Variants in EPHA5 observed in about 807,000 individuals in gnomAD.
The protein encoded by EPHA5 is EPH receptor A5, also known as ephrin type-A receptor 5.
In EPHA5, 60 loss-of-function variants were observed where a neutral mutation model predicts 105.0. That is an observed-to-expected ratio of 0.57 (90% CI 0.46 to 0.71). EPHA5 has a LOEUF of 0.71. Ranked by LOEUF, EPHA5 falls within the 30% of genes least tolerant of loss-of-function variation. EPHA5 has a pLI of 0.00. For synonymous variants in EPHA5, 513 were observed against 449.1 expected, an observed-to-expected ratio of 1.14 and a Z score of -1.80; for missense variants, 1,218 against 1,274.7, an observed-to-expected ratio of 0.96 and a Z score of 0.68.
chr4:65,547,829 A>G (rs2149333955), intron 3 of EPHA5, among the ~76,000 whole-genome samples: 1 of 152,178 alleles, frequency 6.6e-6, no homozygotes, highest in East Asian at 1.9e-4. Flanking sequence ...TGCATTAGAA[A>G]GTGACCCTGA....
In EPHA5 at chr4:65,443,928, T is replaced by TGTGTGC. The variant is rs759410068; in HGVS notation, c.1403-23364_1403-23363insGCACAC. On this transcript the variant is annotated intron_variant, in intron 5 of 16. Transcript: ENST00000613740. ...GCCTGTGTGTGTGTGTGTGTGTGTG[T>TGTGTGC]GCGTGCACGTGTGCACGCGCACATG... Among the ~76,000 whole-genome samples, 677 of 151,660 alleles carry TGTGTGC rather than the reference T, an allele frequency of 4.5e-3. 5 individuals carry two copies. The highest frequency in any genetic ancestry group is 0.024 in the Middle Eastern group (7 of 294).
In EPHA5 at chr4:65,349,757, C is replaced by T. The variant is rs74891885; in HGVS notation, c.2446-1554G>A. ...GACTTACCTGAAACTTATTCTCATTCGTTAAATATTCATAGGCAAGATTGT... is the reference window on the plus strand; with the variant it reads ...GACTTACCTGAAACTTATTCTCATTTGTTAAATATTCATAGGCAAGATTGT... On this transcript the variant is annotated intron_variant, in intron 13 of 16. Transcript: ENST00000613740. Among the ~76,000 whole-genome samples the T allele has an allele frequency of 6.9e-3, 1,053 of 152,128 alleles. 85 individuals are homozygous for T. The East Asian group carries it at 0.18, about 26-fold the overall frequency.
chr4:65,441,331 CAT>C (rs147943776), intron 5 of EPHA5, among the ~76,000 whole-genome samples: 3 of 151,966 alleles, frequency 2.0e-5, no homozygotes, highest in East Asian at 3.9e-4. Context: ...AATCTAAAAA[CAT>C]ATACTACTGA....
chr4:65,659,871 G>A (rs1018011388), intron 1 of EPHA5, among the ~76,000 whole-genome samples: 1 of 151,938 alleles, frequency 6.6e-6, no homozygotes, highest in Non-Finnish European at 1.5e-5. Context: ...TATATTTCCA[G>A]GTAATATTTT....
intron 5 of EPHA5, among the ~76,000 whole-genome samples, chr4:65,476,115 A>AGT (rs1371610921): frequency 5.9e-5 from 7 of 118,010 alleles, no homozygotes; most frequent in African/African-American, 2.0e-4. Context: ...AGAGAGAGAG[A>AGT]GAGAGAGAGA....
rs769699010 is a variant in EPHA5, at chr4:65,416,610, TA to T, written c.1528-2168del. 5.3e-5 allele frequency among the ~76,000 whole-genome samples: 8 copies of T among 152,150 alleles called. No individual in the cohort carries two copies. In the East Asian group the frequency reaches 1.2e-3, roughly 22 times the overall value. ...ATACTTTTTTGCCAAAAAGGAAACA[TA>T]TACAAGGAAACTGGGCTGCTGCTCC... On this transcript the variant is annotated intron_variant, in intron 6 of 16. Transcript: ENST00000613740.
intron 8 of EPHA5, among the ~76,000 whole-genome samples, chr4:65,378,385 C>T (rs1323702689): frequency 1.3e-5 from 2 of 151,930 alleles, no homozygotes; most frequent in Non-Finnish European, 2.9e-5. Context: ...GTAGTTAATA[C>T]ATCTGTAAAG....
chr4:65,344,015 AG>A (rs1297706280), intron 14 of EPHA5, among the ~76,000 whole-genome samples: 2 of 152,194 alleles, frequency 1.3e-5, no homozygotes, highest in African/African-American at 4.8e-5. Context: ...AAAATCACAA[AG>A]AAAGTACTAT....
At chr4:65,598,394 T>C (rs1042519808) in intron 3 of EPHA5, among the ~76,000 whole-genome samples, 9 of 152,174 alleles carry the variant, frequency 5.9e-5, no homozygotes, top group African/African-American at 2.2e-4. Context: ...ATATTTAACA[T>C]AGAATAACAT....
chr4:65,452,187 A>G (rs1727131445), intron 5 of EPHA5, among the ~76,000 whole-genome samples: 1 of 152,188 alleles, frequency 6.6e-6, no homozygotes, highest in African/African-American at 2.4e-5. Flanking sequence ...TCATGCCTGT[A>G]CATTTTATTG....
At chr4:65,522,590 C>T (rs1039246568) in intron 3 of EPHA5, among the ~76,000 whole-genome samples, 2 of 151,830 alleles carry the variant, frequency 1.3e-5, no homozygotes, top group African/African-American at 2.4e-5. Flanking sequence ...TAGTGTCACC[C>T]AGCTCATACA....
intron 3 of EPHA5, among the ~76,000 whole-genome samples, chr4:65,529,404 C>G (rs1020795119): frequency 6.6e-6 from 1 of 150,764 alleles, no homozygotes; most frequent in African/African-American, 2.4e-5. Flanking sequence ...CTATGTTTAT[C>G]TGTGTGCATA....
intron 3 of EPHA5, among the ~76,000 whole-genome samples, chr4:65,536,196 C>T (rs1441827509): frequency 6.6e-6 from 1 of 151,848 alleles, no homozygotes; most frequent in East Asian, 1.9e-4. Context: ...ATCGCTGCCC[C>T]ACAGTGCTTT....
At chr4:65,428,174 C>A (rs187938416) in intron 5 of EPHA5, among the ~76,000 whole-genome samples, 1 of 151,946 alleles carries the variant, frequency 6.6e-6, no homozygotes, top group Non-Finnish European at 1.5e-5. Context: ...ACTAAATTTC[C>A]TAAAGTAAAT....
chr4:65,388,580 A>AT (rs1720373269), intron 8 of EPHA5, among the ~76,000 whole-genome samples: 1 of 151,648 alleles, frequency 6.6e-6, no homozygotes, highest in Non-Finnish European at 1.5e-5. Context: ...GATGATGAGT[A>AT]TTTTTTCATG....
At chr4:65,333,667 G>A (rs1251506257) in intron 15 of EPHA5, among the ~76,000 whole-genome samples, 1 of 135,512 alleles carries the variant, frequency 7.4e-6, no homozygotes, top group Non-Finnish European at 1.6e-5. Flanking sequence ...GCCAGGACTT[G>A]GCCCTATATT....
rs533554513 is a variant in EPHA5 at position 65,399,759 on chromosome 4, C to A, written c.1793+4615G>T. On this transcript the variant is annotated intron_variant, in intron 8 of 16. Coordinates refer to ENST00000613740, the MANE Select transcript of EPHA5 (RefSeq NM_001281766.3). ...ATTTAATACAAAAAGTGAAGCTCTGCATGCTTGAAATTTAATTAAATTCAG... is the reference window on the plus strand; with the variant it reads ...ATTTAATACAAAAAGTGAAGCTCTGAATGCTTGAAATTTAATTAAATTCAG... 5.3e-5 allele frequency among the ~76,000 whole-genome samples: 8 copies of A among 152,264 alleles called. No individual in the cohort carries two copies. In the East Asian group the frequency reaches 1.5e-3, roughly 29 times the overall value.
intron 1 of EPHA5, among the ~76,000 whole-genome samples, chr4:65,651,022 A>G (rs374389723): frequency 1.3e-4 from 20 of 152,318 alleles, no homozygotes; most frequent in South Asian, 1.2e-3. Context: ...TGGTCCCACT[A>G]TTGATTCAGT....
chr4:65,619,368 G>A (rs913173761), intron 2 of EPHA5, among the ~76,000 whole-genome samples: 6 of 151,970 alleles, frequency 3.9e-5, no homozygotes, highest in African/African-American at 1.5e-4. Flanking sequence ...GTATATATAG[G>A]CATACACATA....
Sources: allele counts gnomAD v4.1 joint callset (sites outside exome capture counted in the v4.1 genomes callset), GRCh38; gene constraint gnomAD v4.1.1; transcripts MANE v1.5; gene names NCBI Gene and HGNC (gene_info 2026-07-23, HGNC 2026-07-21).